The following GABRG3 variants were observed in gnomAD, a reference collection of about 807,000 sequenced individuals.
GABRG3 encodes the protein gamma-aminobutyric acid type A receptor subunit gamma3, also known as gamma-aminobutyric acid receptor subunit gamma-3.
A neutral mutation model predicts 48.8 loss-of-function variants in GABRG3; 25 were observed. The observed-to-expected ratio is 0.51, with a 90% CI of 0.37 to 0.72. GABRG3 has a LOEUF of 0.72. Among genes scored for constraint, GABRG3 ranks in the 30% least tolerant of loss-of-function variants. The pLI, the probability that GABRG3 is intolerant of heterozygous loss-of-function variation, is 0.00. For missense variants in GABRG3, 394 were observed against 577.9 expected (o/e 0.68, Z 3.26); for synonymous variants, 227 against 217.6 (o/e 1.04, Z -0.38).
chr15:27,123,978 C>G (rs577862681), intron 3 of GABRG3, among the ~76,000 whole-genome samples: 3 of 152,318 alleles, frequency 2.0e-5, no homozygotes, highest in South Asian at 4.1e-4. Flanking sequence ...CGGCCGGAGC[C>G]TTCCCTGCTG....
At chr15:27,033,023 GT>G (rs1360183180) in intron 3 of GABRG3, among the ~76,000 whole-genome samples, 2 of 152,126 alleles carry the variant, frequency 1.3e-5, no homozygotes, top group East Asian at 1.9e-4. Flanking sequence ...TTTTACAATT[GT>G]TTTTTAACCT....
At chr15:27,442,662 T>C (rs1286451002) in intron 5 of GABRG3, among the ~76,000 whole-genome samples, 1 of 152,228 alleles carries the variant, frequency 6.6e-6, no homozygotes, top group East Asian at 1.9e-4. Context: ...CTTCCACATA[T>C]TCTGCCGTGT....
At chr15:27,110,131 T>C (rs1897521059) in intron 3 of GABRG3, among the ~76,000 whole-genome samples, 2 of 152,194 alleles carry the variant, frequency 1.3e-5, no homozygotes, top group Admixed American at 6.5e-5. Flanking sequence ...TTGGTTTAAC[T>C]GAGCTTTTTA....
At chr15:27,528,118 T>A in intron 9 of GABRG3, 126 bp downstream of exon 9, 1 of 712,206 alleles carries the variant, frequency 1.4e-6, no homozygotes, top group South Asian at 1.8e-5. Flanking sequence ...ACATGCTGAC[T>A]TCAAAAATGT....
chr15:27,362,075 C>G (rs778237218), intron 5 of GABRG3, among the ~76,000 whole-genome samples: 2 of 152,152 alleles, frequency 1.3e-5, no homozygotes, highest in African/African-American at 2.4e-5. Flanking sequence ...TAATGACACA[C>G]GTTAATCATT....
chr15:27,091,797 G>A (rs1003121513), intron 3 of GABRG3, among the ~76,000 whole-genome samples: 2 of 152,146 alleles, frequency 1.3e-5, no homozygotes, highest in African/African-American at 4.8e-5. Flanking sequence ...TGGGAAACTC[G>A]GCCTGCCCTA....
chr15:27,166,265 CTTCTT>C (rs1253069877), intron 3 of GABRG3, among the ~76,000 whole-genome samples: 2 of 152,128 alleles, frequency 1.3e-5, no homozygotes, highest in East Asian at 3.9e-4. Context: ...GAAGTGTATT[CTTCTT>C]TTCTTTGAAC....
intron 3 of GABRG3, among the ~76,000 whole-genome samples, chr15:27,173,705 C>CAA (rs199674664): frequency 0.013 from 963 of 73,274 alleles, 13 homozygotes; most frequent in African/African-American, 0.037. Context: ...CTATCGCTGC[C>CAA]AAAAAAAAAA....
intron 3 of GABRG3, among the ~76,000 whole-genome samples, chr15:27,146,228 A>G (rs1372054264): frequency 6.6e-6 from 1 of 152,092 alleles, no homozygotes; most frequent in Non-Finnish European, 1.5e-5. Flanking sequence ...GCCAAGGTGG[A>G]TGGATCATCA....
intron 5 of GABRG3, among the ~76,000 whole-genome samples, chr15:27,353,316 ATG>A (rs1406599986): frequency 7.2e-5 from 11 of 152,106 alleles, no homozygotes; most frequent in Non-Finnish European, 1.6e-4. Flanking sequence ...CACAGGGCGC[ATG>A]TGTGTCCTAC....
chr15:27,464,660 G>A (rs1001327364), intron 5 of GABRG3, among the ~76,000 whole-genome samples: 4 of 152,112 alleles, frequency 2.6e-5, no homozygotes, highest in African/African-American at 4.8e-5. Flanking sequence ...CCATCCTAGC[G>A]GGTATGAAGT....
intron 5 of GABRG3, among the ~76,000 whole-genome samples, chr15:27,419,702 A>C (rs1888052100): frequency 6.6e-6 from 1 of 152,206 alleles, no homozygotes; most frequent in Admixed American, 6.5e-5. Flanking sequence ...AGGAGAAAAT[A>C]CAGCTTTGAG....
intron 5 of GABRG3, among the ~76,000 whole-genome samples, chr15:27,404,863 C>T (rs544180300): frequency 1.8e-4 from 27 of 152,258 alleles, no homozygotes; most frequent in East Asian, 1.4e-3. Context: ...GTGTGGGATG[C>T]GGGAGGCATG....
intron 5 of GABRG3, among the ~76,000 whole-genome samples, chr15:27,425,004 G>C (rs531169914): frequency 2.0e-5 from 3 of 152,240 alleles, no homozygotes; most frequent in African/African-American, 7.2e-5. Flanking sequence ...ATTTGCACTT[G>C]ACCATGTCTC....
chr15:27,317,324 C>T (rs979808323), intron 3 of GABRG3, among the ~76,000 whole-genome samples: 25 of 152,182 alleles, frequency 1.6e-4, no homozygotes, highest in Admixed American at 1.4e-3. Context: ...TGGGAAGAAA[C>T]GTCAACAGCG....
chr15:27,142,743 A>G (rs1441488040), intron 3 of GABRG3, among the ~76,000 whole-genome samples: 1 of 151,350 alleles, frequency 6.6e-6, no homozygotes. Flanking sequence ...CTTCATGTTG[A>G]CAGGGGTTAC....
intron 5 of GABRG3, among the ~76,000 whole-genome samples, chr15:27,454,896 A>C (rs1889218147): frequency 6.6e-6 from 1 of 152,138 alleles, no homozygotes; most frequent in Non-Finnish European, 1.5e-5. Context: ...TTCTGTACCA[A>C]ATCTTGTATG....
chr15:27,098,640 G>A (rs1363353164), intron 3 of GABRG3, among the ~76,000 whole-genome samples: 2 of 151,966 alleles, frequency 1.3e-5, no homozygotes, highest in African/African-American at 4.8e-5. Flanking sequence ...CCTATTCCAG[G>A]ATTTGGTACT....
At chr15:27,499,810 C>G (rs554308514) in intron 6 of GABRG3, among the ~76,000 whole-genome samples, 55 of 152,318 alleles carry the variant, frequency 3.6e-4, no homozygotes, top group Admixed American at 1.0e-3. Context: ...TCTCCATAAG[C>G]AGATGTGGAT....
Sources: gnomAD v4.1 joint callset for allele counts (sites outside exome capture counted in the v4.1 genomes callset) on GRCh38, gnomAD v4.1.1 for gene constraint, MANE v1.5 for transcripts, NCBI Gene and HGNC (gene_info 2026-07-23, HGNC 2026-07-21) for gene names.